The following TMEM117 variants were observed in gnomAD, a reference collection of about 807,000 sequenced individuals.
TMEM117 encodes the protein transmembrane protein 117.
In TMEM117, 27 loss-of-function variants were observed where a neutral mutation model predicts 52.4. That is an observed-to-expected ratio of 0.51 (90% confidence interval 0.38 to 0.71). The LOEUF (loss-of-function observed/expected upper bound fraction) is 0.71. Among genes scored for constraint, TMEM117 ranks in the 30% least tolerant of loss-of-function variants. The probability of loss-of-function intolerance (pLI) is 0.00; values close to 1 mark genes in which losing one functional copy is unlikely to be tolerated. For synonymous variants in TMEM117, 215 were observed against 206.3 expected, an observed-to-expected ratio of 1.04 and a Z score of -0.36; for missense variants, 556 against 630.5, an observed-to-expected ratio of 0.88 and a Z score of 1.26.
In TMEM117 at chr12:44,134,986, C is replaced by G. The variant is rs151124924; in HGVS notation, c.411-8539C>G. ...CCCATGTTTTTTCCTGTCTTCTCTCCTTTGCATATGTCAGCCAGCTTTCAT... is the reference window on the plus strand; with the variant it reads ...CCCATGTTTTTTCCTGTCTTCTCTCGTTTGCATATGTCAGCCAGCTTTCAT... On this transcript the variant is annotated intron_variant, in intron 3 of 7. Coordinates refer to ENST00000266534, the MANE Select transcript of TMEM117 (RefSeq NM_032256.3). Among the ~76,000 whole-genome samples, 5 of 152,200 alleles carry G rather than the reference C, an allele frequency of 3.3e-5. No homozygotes were observed. The East Asian group carries it at 9.6e-4, about 29-fold the overall frequency.
chr12:43,851,474 T>A (rs897291545), intron 2 of TMEM117, among the ~76,000 whole-genome samples: 17 of 152,078 alleles, frequency 1.1e-4, no homozygotes, highest in African/African-American at 2.9e-4. Flanking sequence ...AGTTTTTTTT[T>A]AAAATGTGTT....
At chr12:44,266,425 G>A (rs192286533) in intron 5 of TMEM117, among the ~76,000 whole-genome samples, 142 of 152,094 alleles carry the variant, frequency 9.3e-4, no homozygotes, top group African/African-American at 3.3e-3. Flanking sequence ...ATCTTTCCTG[G>A]AGAAATGTCT....
rs568213641 is a variant in TMEM117, at chr12:44,267,391, C to T, written c.609-32189C>T. On this transcript the variant is annotated intron_variant, in intron 5 of 7. Coordinates refer to ENST00000266534, the MANE Select transcript of TMEM117 (RefSeq NM_032256.3). ...TATGATTGACATACAAAAAGTTGTACATATTTAATATATACCACTTAATGA... is the reference window on the plus strand; with the variant it reads ...TATGATTGACATACAAAAAGTTGTATATATTTAATATATACCACTTAATGA... 1.2e-3 allele frequency among the ~76,000 whole-genome samples: 182 copies of T among 152,084 alleles called. 1 individual carries two copies. The highest frequency in any genetic ancestry group is 4.3e-3 in the African/African-American group (179 of 41,500).
At chr12:44,209,748 C>T (rs777422392) in intron 4 of TMEM117, among the ~76,000 whole-genome samples, 9 of 152,090 alleles carry the variant, frequency 5.9e-5, no homozygotes, top group Non-Finnish European at 1.0e-4. Context: ...CTAGAAATGA[C>T]ATTGAGAAAT....
At chr12:44,158,570 T>C (rs1948858546) in intron 4 of TMEM117, among the ~76,000 whole-genome samples, 1 of 152,186 alleles carries the variant, frequency 6.6e-6, no homozygotes, top group African/African-American at 2.4e-5. Flanking sequence ...TCTTTTCAGC[T>C]GAGAGACAAT....
chr12:44,088,476 T>C (rs1947609792), intron 3 of TMEM117, among the ~76,000 whole-genome samples: 1 of 152,234 alleles, frequency 6.6e-6, no homozygotes, highest in Non-Finnish European at 1.5e-5. Context: ...TTATATTGTA[T>C]TTCCTCTTAA....
At chr12:44,017,263 A>G (rs1203928997) in intron 3 of TMEM117, among the ~76,000 whole-genome samples, 1 of 100,672 alleles carries the variant, frequency 9.9e-6, no homozygotes, top group Non-Finnish European at 1.8e-5. Context: ...TTTAGGTGAT[A>G]AATAATTGAA....
chr12:44,192,977 A>G (rs1452732906), intron 4 of TMEM117, among the ~76,000 whole-genome samples: 8 of 152,236 alleles, frequency 5.3e-5, no homozygotes, highest in African/African-American at 1.7e-4. Flanking sequence ...ATAAAGGTAG[A>G]ATTGAGGTAT....
intron 2 of TMEM117, among the ~76,000 whole-genome samples, chr12:43,878,246 G>A (rs578014704): frequency 6.6e-6 from 1 of 152,222 alleles, no homozygotes; most frequent in East Asian, 1.9e-4. Flanking sequence ...TTTAAAGAGT[G>A]TGTCCTGAAG....
At chr12:44,193,551 G>A (rs1278988217) in intron 4 of TMEM117, among the ~76,000 whole-genome samples, 1 of 152,146 alleles carries the variant, frequency 6.6e-6, no homozygotes, top group Non-Finnish European at 1.5e-5. Context: ...CAAATCAGAA[G>A]CAACTGATAT....
intron 5 of TMEM117, among the ~76,000 whole-genome samples, chr12:44,213,333 A>T (rs1415249892): frequency 6.6e-6 from 1 of 152,208 alleles, no homozygotes; most frequent in Non-Finnish European, 1.5e-5. Context: ...TTTCCAAATG[A>T]TTAATGTTCA....
chr12:43,804,507 A>T, the TMEM117 span: 1 of 1,589,270 alleles, frequency 6.3e-7, no homozygotes, highest in South Asian at 1.1e-5. Flanking sequence ...TTTTCAATAG[A>T]TATTTTCAGA....
At chr12:44,218,909 G>A (rs183584067) in intron 5 of TMEM117, among the ~76,000 whole-genome samples, 2 of 152,314 alleles carry the variant, frequency 1.3e-5, no homozygotes. Context: ...AAAATCTGCT[G>A]TTTAAGTTGC....
intron 5 of TMEM117, among the ~76,000 whole-genome samples, chr12:44,237,555 A>G (rs1212708149): frequency 6.6e-6 from 1 of 152,036 alleles, no homozygotes; most frequent in East Asian, 1.9e-4. Context: ...CATCTCTAAT[A>G]AAAATACAAA....
At chr12:44,031,762 T>G (rs1946636210) in intron 3 of TMEM117, among the ~76,000 whole-genome samples, 1 of 152,200 alleles carries the variant, frequency 6.6e-6, no homozygotes. Flanking sequence ...AGAAACTATT[T>G]GTGAGTATCC....
chr12:44,329,957 A>G (rs1353713030), intron 6 of TMEM117, among the ~76,000 whole-genome samples: 1 of 152,090 alleles, frequency 6.6e-6, no homozygotes, highest in African/African-American at 2.4e-5. Flanking sequence ...TAATGCTGCT[A>G]TGAACATTTG....
At chr12:44,159,487 G>A (rs1471028291) in intron 4 of TMEM117, among the ~76,000 whole-genome samples, 1 of 152,044 alleles carries the variant, frequency 6.6e-6, no homozygotes, top group South Asian at 2.1e-4. Context: ...AACAATTGCA[G>A]AGCTGTGCTT....
At chr12:44,122,211 A>T (rs1948248214) in intron 3 of TMEM117, among the ~76,000 whole-genome samples, 1 of 151,392 alleles carries the variant, frequency 6.6e-6, no homozygotes, top group African/African-American at 2.4e-5. Context: ...TGCCTAGCTA[A>T]TTTTTTGTAT....
In TMEM117 at chr12:43,991,366, A is replaced by G. The variant is rs1183019746; in HGVS notation, c.410+47024A>G. On this transcript the variant is annotated intron_variant, in intron 3 of 7. Transcript: ENST00000266534. The stretch of plus-strand genomic sequence containing the variant: ...AGTCTCCATTTGAGCACCTCGGGAG[A>G]TAAGAAATTGTCCAAGAAATTTTGT... Among the ~76,000 whole-genome samples the G allele has an allele frequency of 1.2e-4, 18 of 152,142 alleles. 1 individual carries two copies. Among genetic ancestry groups the G allele is most frequent in the Non-Finnish European group, 2.9e-5 (2 of 68,028 alleles).
Sources: gnomAD v4.1 joint callset for allele counts (sites outside exome capture counted in the v4.1 genomes callset) on GRCh38, gnomAD v4.1.1 for gene constraint, MANE v1.5 for transcripts, NCBI Gene and HGNC (gene_info 2026-07-23, HGNC 2026-07-21) for gene names.